The following JARID2 variants were observed in gnomAD, a reference collection of about 807,000 sequenced individuals.
JARID2 encodes jumonji and AT-rich interaction domain containing 2.
A neutral mutation model predicts 125.6 loss-of-function variants in JARID2; 21 were observed. The observed-to-expected ratio is 0.17, with a 90% CI of 0.12 to 0.24. JARID2 has a LOEUF of 0.24. Ranked by LOEUF, JARID2 falls within the 10% of genes least tolerant of loss-of-function variation. The pLI is 1.00. For synonymous variants in JARID2, 736 were observed against 661.6 expected (o/e 1.11, Z -1.73); for missense variants, 1,303 against 1,639.6 (o/e 0.79, Z 3.55).
chr6:15,487,679 G>T (rs74858237), intron 6 of JARID2, 137 bp downstream of exon 6: 2 of 766,432 alleles, frequency 2.6e-6, no homozygotes, highest in Non-Finnish European at 2.1e-6. Flanking sequence ...CAGACAGAGC[G>T]CACCTTTGCA....
intron 1 of JARID2, among the ~76,000 whole-genome samples, chr6:15,276,584 G>A (rs1760530417): frequency 6.6e-6 from 1 of 152,196 alleles, no homozygotes; most frequent in Non-Finnish European, 1.5e-5. Flanking sequence ...TAAAGGATGT[G>A]CATCTTGTTG....
At chr6:15,517,523 G>A (rs531757279) in intron 17 of JARID2, among the ~76,000 whole-genome samples, 1 of 152,142 alleles carries the variant, frequency 6.6e-6, no homozygotes, top group African/African-American at 2.4e-5. Flanking sequence ...TCCTGCAGCC[G>A]CCCCCCCGGC....
intron 3 of JARID2, among the ~76,000 whole-genome samples, chr6:15,422,985 CTTTTTTTT>C (rs375223254): frequency 2.4e-5 from 3 of 125,922 alleles, no homozygotes; most frequent in East Asian, 2.3e-4. Context: ...GTAGCCTAGT[CTTTTTTTT>C]TTTTTTTTTT....
At chr6:15,495,861 C>G (rs1770388965) in intron 6 of JARID2, among the ~76,000 whole-genome samples, 1 of 152,174 alleles carries the variant, frequency 6.6e-6, no homozygotes, top group South Asian at 2.1e-4. Context: ...ACCCAGGAAA[C>G]CCCGCTAGGA....
At chr6:15,409,952 C>T (rs1423356066) in intron 2 of JARID2, among the ~76,000 whole-genome samples, 1 of 152,174 alleles carries the variant, frequency 6.6e-6, no homozygotes, top group East Asian at 1.9e-4. Flanking sequence ...TCTTTAAAAA[C>T]GAATCCTGAA....
rs907507133 is a variant in JARID2, at chr6:15,521,958, G to A, written c.*1707G>A. On this transcript the variant is annotated 3_prime_UTR_variant, in exon 18 of 18. Coordinates refer to ENST00000341776, the MANE Select transcript of JARID2 (RefSeq NM_004973.4). ...AGGGAGACTTCATGTGGTTTATTGC[G>A]AGTTTTTTGTTTACTTTTCAGGTTT... 29 of 152,284 alleles carry A rather than the reference G, an allele frequency of 1.9e-4. No individual in the cohort carries two copies. Among genetic ancestry groups the A allele is most frequent in the African/African-American group, 3.1e-4 (13 of 41,546 alleles). 9.4% of individuals were successfully genotyped at this position (152,284 alleles called of 1,614,324 possible). A position where few individuals can be genotyped will look rare whatever the true frequency, so the allele number is the denominator to read the frequency against.
At chr6:15,261,758 T>C (rs537791763) in intron 1 of JARID2, among the ~76,000 whole-genome samples, 1 of 152,146 alleles carries the variant, frequency 6.6e-6, no homozygotes, top group Admixed American at 6.6e-5. Context: ...TACTGTATAT[T>C]GTATACCTTA....
chr6:15,340,960 C>T (rs35192506), intron 1 of JARID2, among the ~76,000 whole-genome samples: 11,170 of 152,176 alleles, frequency 0.073, 520 homozygotes, highest in East Asian at 0.2. Flanking sequence ...CTGACCACCT[C>T]GAAGCAGGAA....
chr6:15,493,963 G>A (rs192867136), intron 6 of JARID2, among the ~76,000 whole-genome samples: 238 of 152,108 alleles, frequency 1.6e-3, no homozygotes, highest in African/African-American at 5.1e-3. Context: ...ATTCCAGACC[G>A]TCTGTCAGTC....
At chr6:15,519,242 T>C (rs975341459) in intron 17 of JARID2, among the ~76,000 whole-genome samples, 38 of 152,322 alleles carry the variant, frequency 2.5e-4, no homozygotes, top group African/African-American at 8.9e-4. Context: ...CATCCACTTA[T>C]CCTTTATCAG....
chr6:15,517,046 CT>C, intron 16 of JARID2, 114 bp from the exon 17 acceptor site: 1 of 731,562 alleles, frequency 1.4e-6, no homozygotes, highest in East Asian at 2.5e-5. Context: ...GCTGGGGCTA[CT>C]CTGGCGCGGG....
chr6:15,497,724 T>C (rs1334878702), intron 7 of JARID2, among the ~76,000 whole-genome samples: 1 of 151,444 alleles, frequency 6.6e-6, no homozygotes, highest in Admixed American at 6.6e-5. Context: ...TTGCTTCCCC[T>C]GGGCTGTCAC....
At chr6:15,344,151 G>A (rs559980722) in intron 1 of JARID2, among the ~76,000 whole-genome samples, 4 of 127,350 alleles carry the variant, frequency 3.1e-5, no homozygotes, top group African/African-American at 1.2e-4. Context: ...AAGGGTGGCT[G>A]TGAAACTTAC....
intron 1 of JARID2, among the ~76,000 whole-genome samples, chr6:15,365,787 AACCCTAGGCAAG>A (rs1163467175): frequency 6.6e-6 from 1 of 152,130 alleles, no homozygotes. Flanking sequence ...TTTTAATTTA[AACCCTAGGCAAG>A]GGAACATCAT....
intron 4 of JARID2, among the ~76,000 whole-genome samples, chr6:15,466,579 G>A (rs750315791): frequency 1.3e-5 from 2 of 152,206 alleles, no homozygotes; most frequent in South Asian, 2.1e-4. Context: ...GAGTGCTGTA[G>A]TTACTCTTGT....
chr6:15,370,699 T>C (rs529596583), intron 1 of JARID2, among the ~76,000 whole-genome samples: 8 of 152,234 alleles, frequency 5.3e-5, no homozygotes, highest in South Asian at 4.1e-4. Context: ...AAGAATGATA[T>C]AGCCACAGCA....
In JARID2 at chr6:15,246,267, T is replaced by C. The variant is rs1418987519; in HGVS notation, c.-273T>C. On this transcript the variant is annotated 5_prime_UTR_variant, in exon 1 of 18. Transcript: ENST00000341776. ...GTTTTTTTTTGTGTGTGTGTGTATG[T>C]GTTTCGGGGGAAATTTTCCATTATG... 6 of 548,578 alleles carry C rather than the reference T, an allele frequency of 1.1e-5. No homozygotes were observed. Among genetic ancestry groups the C allele is most frequent in the South Asian group, 9.7e-5 (4 of 41,084 alleles). 34.0% of individuals were successfully genotyped at this position (548,578 alleles called of 1,614,324 possible). A position where few individuals can be genotyped will look rare whatever the true frequency, so the allele number is the denominator to read the frequency against.
chr6:15,464,620 A>G (rs1159272231), intron 4 of JARID2, among the ~76,000 whole-genome samples: 1 of 152,134 alleles, frequency 6.6e-6, no homozygotes, highest in African/African-American at 2.4e-5. Flanking sequence ...CCTCTGAACT[A>G]AGGGTACTCT....
At chr6:15,487,241 TATC>T (rs1769915825) in intron 5 of JARID2, 63 bp from the exon 6 acceptor site, 1 of 1,339,848 alleles carries the variant, frequency 7.5e-7, no homozygotes. Context: ...AGCCAAACCA[TATC>T]AGTAGTTTGC....
Sources: allele counts gnomAD v4.1 joint callset (sites outside exome capture counted in the v4.1 genomes callset), GRCh38; gene constraint gnomAD v4.1.1; transcripts MANE v1.5; gene names NCBI Gene and HGNC (gene_info 2026-07-23, HGNC 2026-07-21).